MEIS1: variants seen among roughly 807,000 people sequenced by gnomAD.
MEIS1 encodes Meis homeobox 1.
MEIS1 carries 5 observed loss-of-function variants against 50.8 expected under a neutral mutation model. That is an observed-to-expected ratio of 0.10 (90% CI 0.05 to 0.21). The LOEUF is 0.21. Ranked by LOEUF, MEIS1 falls within the 10% of genes least tolerant of loss-of-function variation. MEIS1 has a pLI of 1.00. For missense variants in MEIS1, 318 were observed against 517.3 expected, an observed-to-expected ratio of 0.61 and a Z score of 3.74; for synonymous variants, 176 against 179.3, an observed-to-expected ratio of 0.98 and a Z score of 0.15.
rs1672042636 is a variant in MEIS1, at chr2:66,443,225, G to T, written c.630+177G>T. On this transcript the variant is annotated intron_variant, in intron 6 of 12. Coordinates refer to ENST00000272369, the MANE Select transcript of MEIS1 (RefSeq NM_002398.3). ...GGCTATTATTGCTTCATTAAGGCTG[G>T]CTCTGGGATTCGACCTGAAGAGATG... is the stretch of plus-strand genomic sequence containing the variant. 7.1e-5 allele frequency: 47 copies of T among 663,874 alleles called. No individual in the cohort carries two copies. In the South Asian group the frequency reaches 1.2e-3, roughly 16 times the overall value. 41.1% of individuals were successfully genotyped at this position (663,874 alleles called of 1,614,324 possible).
At chr2:66,464,475 A>G (rs1335764730) in intron 7 of MEIS1, among the ~76,000 whole-genome samples, 1 of 152,226 alleles carries the variant, frequency 6.6e-6, no homozygotes, top group Non-Finnish European at 1.5e-5. Flanking sequence ...GAAGTAGCTT[A>G]GAAGTTTGAA....
intron 6 of MEIS1, among the ~76,000 whole-genome samples, chr2:66,456,235 T>TACACACACACACAC (rs3220293): frequency 0.26 from 38,019 of 147,292 alleles, 4,888 homozygotes; most frequent in Middle Eastern, 0.3. Context: ...ATGATTTTTA[T>TACACACACACACAC]ACACACACAC....
intron 8 of MEIS1, among the ~76,000 whole-genome samples, chr2:66,520,863 A>T (rs1674100180): frequency 1.3e-5 from 2 of 152,202 alleles, no homozygotes; most frequent in Admixed American, 1.3e-4. Flanking sequence ...TTGAACCAGG[A>T]TCTCCTGACT....
chr2:66,497,652 T>G (rs150712597), intron 7 of MEIS1, among the ~76,000 whole-genome samples: 2 of 152,292 alleles, frequency 1.3e-5, no homozygotes, highest in African/African-American at 4.8e-5. Context: ...TCCAGCACTT[T>G]AGGAGGCTGA....
intron 9 of MEIS1, among the ~76,000 whole-genome samples, chr2:66,565,519 A>G (rs1293369910): frequency 6.6e-6 from 1 of 152,202 alleles, no homozygotes; most frequent in African/African-American, 2.4e-5. Flanking sequence ...CCAGAGCACC[A>G]GGGAGGAGGG....
intron 8 of MEIS1, among the ~76,000 whole-genome samples, chr2:66,527,044 G>A (rs918980886): frequency 1.3e-5 from 2 of 152,158 alleles, no homozygotes; most frequent in African/African-American, 4.8e-5. Flanking sequence ...CGAAAAAACT[G>A]TGGGGTGAAT....
At chr2:66,438,074 G>T in intron 2 of MEIS1, 111 bp downstream of exon 2, 1 of 1,014,524 alleles carries the variant, frequency 9.9e-7, no homozygotes. Flanking sequence ...TACATCTTTG[G>T]TGACTTTTCA....
At chr2:66,569,328 G>A in intron 12 of MEIS1, 183 bp downstream of exon 12, 1 of 522,358 alleles carries the variant, frequency 1.9e-6, no homozygotes, top group East Asian at 3.4e-5. Context: ...TAAATACTGT[G>A]TATGATGTAC....
chr2:66,500,833 T>G (rs1167905789), intron 7 of MEIS1, among the ~76,000 whole-genome samples: 1 of 152,040 alleles, frequency 6.6e-6, no homozygotes, highest in East Asian at 1.9e-4. Context: ...TAAAAGTGTT[T>G]GTATATACAC....
intron 9 of MEIS1, among the ~76,000 whole-genome samples, chr2:66,566,130 A>G (rs1675341486): frequency 1.3e-5 from 2 of 152,204 alleles, no homozygotes; most frequent in Admixed American, 1.3e-4. Context: ...AAGAACTGAT[A>G]TAATATGTAT....
rs141924807 is a variant in MEIS1 at position 66,440,501 on chromosome 2, C to A, written c.382-61C>A. The A allele has an allele frequency of 2.1e-3, 3,137 of 1,475,300 alleles. 62 individuals are homozygous for A. In the African/African-American group the frequency reaches 0.04, roughly 19 times the overall value. 91.4% of individuals were successfully genotyped at this position (1,475,300 alleles called of 1,614,324 possible). ...AGAAACTAGGAAGGCGACCAGATTT[C>A]AAATTTTTCTTTCTTTTTTCTCTCC... On this transcript the variant is annotated intron_variant, in intron 3 of 12. Transcript: ENST00000272369.
rs1326850435 is a variant in MEIS1 at position 66,543,524 on chromosome 2, A to G, written c.889-4419A>G. ...TTCTCTCTGCAGCCAAACCAGCCTA[A>G]TACACATGTGCAGGTTTAATGCTGG... On this transcript the variant is annotated intron_variant, in intron 8 of 12. Coordinates refer to ENST00000272369, the MANE Select transcript of MEIS1 (RefSeq NM_002398.3). Among the ~76,000 whole-genome samples, 4 of 152,120 alleles carry G rather than the reference A, an allele frequency of 2.6e-5. 1 individual carries two copies. Among genetic ancestry groups the G allele is most frequent in the Non-Finnish European group, 5.9e-5 (4 of 68,022 alleles).
intron 8 of MEIS1, among the ~76,000 whole-genome samples, chr2:66,542,939 AGTCT>A (rs1674690727): frequency 6.6e-6 from 1 of 152,174 alleles, no homozygotes; most frequent in Non-Finnish European, 1.5e-5. Context: ...CATTCTACAG[AGTCT>A]GTCTCTTCCC....
intron 8 of MEIS1, among the ~76,000 whole-genome samples, chr2:66,513,596 TA>T (rs540333917): frequency 3.3e-3 from 456 of 136,628 alleles, no homozygotes; most frequent in Admixed American, 3.0e-3. Context: ...CAGGAATAGC[TA>T]AAAAAAAAAA....
At chr2:66,470,601 T>C (rs13382827) in intron 7 of MEIS1, among the ~76,000 whole-genome samples, 14,895 of 152,158 alleles carry the variant, frequency 0.098, 1,433 homozygotes, top group African/African-American at 0.25. Flanking sequence ...GTAGTAACTA[T>C]ATTTAGGGGC....
intron 7 of MEIS1, among the ~76,000 whole-genome samples, chr2:66,465,753 C>T (rs1672620525): frequency 6.6e-6 from 1 of 152,146 alleles, no homozygotes; most frequent in African/African-American, 2.4e-5. Context: ...CTGAAATGCA[C>T]TTGAATTTAA....
chr2:66,473,098 G>A (rs1672800199), intron 7 of MEIS1, among the ~76,000 whole-genome samples: 1 of 151,916 alleles, frequency 6.6e-6, no homozygotes, highest in African/African-American at 2.4e-5. Flanking sequence ...GTAATATAAG[G>A]CCGGGCGCGG....
intron 7 of MEIS1, among the ~76,000 whole-genome samples, chr2:66,466,551 G>A (rs1672640079): frequency 6.6e-6 from 1 of 152,190 alleles, no homozygotes; most frequent in South Asian, 2.1e-4. Context: ...GCAGAGCTTG[G>A]TCTTTGTGCA....
rs200792365 is a variant in MEIS1, at chr2:66,547,396, G to GT, written c.889-539dup. Among the ~76,000 whole-genome samples, 893 of 151,598 alleles carry GT rather than the reference G, an allele frequency of 5.9e-3. 24 individuals carry two copies. Among genetic ancestry groups the GT allele is most frequent in the Admixed American group, 0.043 (657 of 15,170 alleles). Reference sequence around the variant, plus strand: ...TTGGAAACCAACATTGGTGAATTTTGTTTTTTTTGCTGAGGACTGAAAATG... The same window carrying GT: ...TTGGAAACCAACATTGGTGAATTTTGTTTTTTTTTGCTGAGGACTGAAAATG... On this transcript the variant is annotated intron_variant, in intron 8 of 12. Coordinates refer to ENST00000272369, the MANE Select transcript of MEIS1 (RefSeq NM_002398.3).
Sources: gnomAD v4.1 joint callset for allele counts (sites outside exome capture counted in the v4.1 genomes callset) on GRCh38, gnomAD v4.1.1 for gene constraint, MANE v1.5 for transcripts, NCBI Gene and HGNC (gene_info 2026-07-23, HGNC 2026-07-21) for gene names.